SESTD1: variants seen among roughly 807,000 people sequenced by gnomAD.
SESTD1 encodes SEC14 and spectrin domain containing 1.
SESTD1 carries 43 observed loss-of-function variants against 101.7 expected under a neutral mutation model. The ratio of observed to expected loss-of-function variants is 0.42; its 90% CI spans 0.33 to 0.55. The LOEUF is 0.55. Among genes scored for constraint, SESTD1 ranks in the 20% least tolerant of loss-of-function variants. SESTD1 has a pLI of 0.07. For missense variants in SESTD1, 647 were observed against 815.1 expected, an observed-to-expected ratio of 0.79 and a Z score of 2.51; for synonymous variants, 283 against 286.8, an observed-to-expected ratio of 0.99 and a Z score of 0.13.
At chr2:179,255,216 G>A (rs1257388013) in intron 1 of SESTD1, among the ~76,000 whole-genome samples, 1 of 152,162 alleles carries the variant, frequency 6.6e-6, no homozygotes. Flanking sequence ...GTGAAAGGAG[G>A]AGTCACATTT....
At position 179,181,517 on chromosome 2, in the gene SESTD1, C is replaced by G. The variant is rs766903939; in HGVS notation, c.164+1563G>C. On this transcript the variant is annotated intron_variant, in intron 3 of 17. Transcript: ENST00000428443. ...GAGTTTTTGCTTTTCATTTGAACCT[C>G]AGAATTGGACTTCACATGAGATGCA... is the stretch of plus-strand genomic sequence containing the variant. Among the ~76,000 whole-genome samples, 3 of 152,120 alleles carry G rather than the reference C, an allele frequency of 2.0e-5. No individual in the cohort carries two copies. In the South Asian group the frequency reaches 6.2e-4, roughly 32 times the overall value.
At chr2:179,117,699 T>G in intron 13 of SESTD1, 86 bp from the exon 14 acceptor site, 2 of 1,072,234 alleles carry the variant, frequency 1.9e-6, no homozygotes, top group Non-Finnish European at 2.6e-6. Context: ...ATGTATTTTA[T>G]AGTACACTAA....
intron 1 of SESTD1, among the ~76,000 whole-genome samples, chr2:179,240,430 T>C (rs998393306): frequency 6.6e-6 from 1 of 151,994 alleles, no homozygotes; most frequent in Non-Finnish European, 1.5e-5. Flanking sequence ...CTGTGAACGG[T>C]AGAGAAAGGA....
chr2:179,158,359 A>G (rs2045669295), intron 5 of SESTD1, among the ~76,000 whole-genome samples: 1 of 152,174 alleles, frequency 6.6e-6, no homozygotes, highest in Admixed American at 6.6e-5. Flanking sequence ...TAGCCTTACC[A>G]TATGTATTCC....
chr2:179,190,688 A>C (rs2046306994), intron 2 of SESTD1, among the ~76,000 whole-genome samples: 1 of 152,214 alleles, frequency 6.6e-6, no homozygotes, highest in Non-Finnish European at 1.5e-5. Flanking sequence ...CAATTCAACA[A>C]GGAAAAAACA....
At chr2:179,145,878 G>A (rs1473741650) in intron 8 of SESTD1, among the ~76,000 whole-genome samples, 1 of 152,058 alleles carries the variant, frequency 6.6e-6, no homozygotes, top group Non-Finnish European at 1.5e-5. Context: ...CATAAGGAGT[G>A]TTCAATAATT....
At chr2:179,185,708 AATAT>A (rs2046212148) in intron 2 of SESTD1, among the ~76,000 whole-genome samples, 1 of 125,646 alleles carries the variant, frequency 8.0e-6, no homozygotes, top group Non-Finnish European at 1.5e-5. Flanking sequence ...TATTATATAC[AATAT>A]ATAATATAGC....
chr2:179,121,911 A>G lies in SESTD1; in HGVS notation c.1301T>C (p.Leu434Ser). ...CAGGAGACCTTGACCTTTTTCACGC[A>G]AACCTTGCAATCCCACATCTAAAAC... ...LKSVDVGLQG[L>S]REKGQGLLDQ... Residue 434 changes from leucine (L) to serine (S), a missense_variant, in exon 13 of 18, where the codon TTG (leucine) becomes TCG (serine). Leu to Ser is a moderately radical substitution (Grantham distance 145, BLOSUM62 -2). Transcript: ENST00000428443. 6.2e-7 allele frequency: 1 copy of G among 1,603,584 alleles called. No individual in the cohort carries two copies.
chr2:179,195,190 C>A (rs1250160476), intron 1 of SESTD1, among the ~76,000 whole-genome samples: 1 of 152,166 alleles, frequency 6.6e-6, no homozygotes, highest in Non-Finnish European at 1.5e-5. Context: ...ATCGTCAATC[C>A]CCATGTTTTG....
intron 1 of SESTD1, among the ~76,000 whole-genome samples, chr2:179,237,392 T>TG (rs2047084315): frequency 6.6e-6 from 1 of 152,200 alleles, no homozygotes; most frequent in Non-Finnish European, 1.5e-5. Flanking sequence ...TGGCGTAATT[T>TG]GATCCTTGTT....
chr2:179,182,531 T>A (rs1447099067), intron 3 of SESTD1, among the ~76,000 whole-genome samples: 1 of 150,820 alleles, frequency 6.6e-6, no homozygotes, highest in Non-Finnish European at 1.5e-5. Flanking sequence ...GGAAGCTTTA[T>A]TTTTTTTTGT....
At chr2:179,179,115 A>C (rs1432863801) in intron 3 of SESTD1, among the ~76,000 whole-genome samples, 3 of 152,182 alleles carry the variant, frequency 2.0e-5, no homozygotes, top group South Asian at 2.1e-4. Flanking sequence ...ACTTGAAAGG[A>C]AATAGTTTTG....
rs780814460 is a variant in SESTD1, at chr2:179,109,681, C to T, written c.*218G>A. The T allele has an allele frequency of 4.0e-5, 22 of 544,984 alleles. No homozygotes were observed. The highest frequency in any genetic ancestry group is 4.1e-5 in the Non-Finnish European group (13 of 319,970). 33.8% of individuals were successfully genotyped at this position (544,984 alleles called of 1,614,324 possible). Reference sequence around the variant, plus strand: ...AGTTTTCAGTGCAATGTTTATAGTTCCTTCTTTTAAGATACTTGGAATCTA... The same window carrying T: ...AGTTTTCAGTGCAATGTTTATAGTTTCTTCTTTTAAGATACTTGGAATCTA... On this transcript the variant is annotated 3_prime_UTR_variant, in exon 18 of 18. Transcript: ENST00000428443.
chr2:179,202,563 C>T lies in SESTD1; in HGVS notation c.-25-10697G>A, dbSNP rs189224747. 3.0e-5 allele frequency among the ~76,000 whole-genome samples: 4 copies of T among 134,950 alleles called. No homozygotes were observed. In the East Asian group the frequency reaches 8.0e-4, roughly 27 times the overall value. The allele number at this position is 134,950 out of a possible 152,430, so 88.5% of individuals were successfully genotyped here. A position where few individuals can be genotyped will look rare whatever the true frequency, so the allele number is the denominator to read the frequency against. On this transcript the variant is annotated intron_variant, in intron 1 of 17. Transcript: ENST00000428443. ...CCTGCTGAACACATACTTTCTGTGT[C>T]TAATTAAATTCAAACACTTTTTCCT... is the stretch of plus-strand genomic sequence containing the variant.
intron 1 of SESTD1, among the ~76,000 whole-genome samples, chr2:179,218,599 A>G (rs940803947): frequency 6.6e-6 from 1 of 152,226 alleles, no homozygotes; most frequent in Non-Finnish European, 1.5e-5. Flanking sequence ...GTGCAAAATA[A>G]GTACTTCTTA....
intron 10 of SESTD1, among the ~76,000 whole-genome samples, chr2:179,125,516 GCT>G (rs961687296): frequency 1.3e-5 from 2 of 152,226 alleles, no homozygotes; most frequent in South Asian, 2.1e-4. Context: ...GGTGGATAGC[GCT>G]CTCTCTCTTT....
chr2:179,242,390 C>T (rs1337982453), intron 1 of SESTD1, among the ~76,000 whole-genome samples: 1 of 151,354 alleles, frequency 6.6e-6, no homozygotes, highest in Non-Finnish European at 1.5e-5. Flanking sequence ...CCATACTGCC[C>T]AAAGCAATCT....
rs147166759 is a variant in SESTD1 at position 179,215,307 on chromosome 2, T to C, written c.-25-23441A>G. Among the ~76,000 whole-genome samples, 639 of 134,298 alleles carry C rather than the reference T, an allele frequency of 4.8e-3. 156 individuals carry two copies. Among genetic ancestry groups the C allele is most frequent in the African/African-American group, 0.018 (620 of 33,918 alleles). The allele number at this position is 134,298 out of a possible 152,430, so 88.1% of individuals were successfully genotyped here. A position where few individuals can be genotyped will look rare whatever the true frequency, so the allele number is the denominator to read the frequency against. ...ATGCAATAAAAAATGATAAACGGGA[T>C]ATCACCACTAATCTAACAGAAAAAC... On this transcript the variant is annotated intron_variant, in intron 1 of 17. Transcript: ENST00000428443.
Position 179,107,902 on chromosome 2 carries a change from C to G in SESTD1, c.*1997G>C, listed in dbSNP as rs942662785. ...CTCATAGCAGTAAAGCCCCAAAGGACTGAGAAGATGATTCAAGTATAGAAA... is the reference window on the plus strand; with the variant it reads ...CTCATAGCAGTAAAGCCCCAAAGGAGTGAGAAGATGATTCAAGTATAGAAA... On this transcript the variant is annotated 3_prime_UTR_variant, in exon 18 of 18. Transcript: ENST00000428443. 5.9e-5 allele frequency: 9 copies of G among 152,192 alleles called. No individual in the cohort carries two copies. The highest frequency in any genetic ancestry group is 1.2e-4 in the Non-Finnish European group (8 of 68,004). 9.4% of individuals were successfully genotyped at this position (152,192 alleles called of 1,614,324 possible).
Sources: gnomAD v4.1 joint callset for allele counts (sites outside exome capture counted in the v4.1 genomes callset) on GRCh38, gnomAD v4.1.1 for gene constraint, MANE v1.5 for transcripts, NCBI Gene and HGNC (gene_info 2026-07-23, HGNC 2026-07-21) for gene names.